The following PLPPR1 variants were observed in gnomAD, a reference collection of about 807,000 sequenced individuals.
The protein encoded by PLPPR1 is phospholipid phosphatase-related protein type 1.
A neutral mutation model predicts 33.1 loss-of-function variants in PLPPR1; 10 were observed. The ratio of observed to expected loss-of-function variants is 0.30; its 90% confidence interval spans 0.19 to 0.51. The LOEUF (loss-of-function observed/expected upper bound fraction) is 0.51, where lower values mean the gene tolerates loss of function less well. Among genes scored for constraint, PLPPR1 ranks in the 20% least tolerant of loss-of-function variants. PLPPR1 has a pLI of 0.97. For synonymous variants in PLPPR1, 151 were observed against 151.0 expected (o/e 1.00, Z 0.00); for missense variants, 304 against 408.1 (o/e 0.74, Z 2.20).
In PLPPR1 at chr9:101,267,943, T is replaced by C. The variant is rs997937277; in HGVS notation, c.64-1937T>C. Among the ~76,000 whole-genome samples the C allele has an allele frequency of 3.3e-5, 5 of 152,194 alleles. No homozygotes were observed. In the South Asian group the frequency reaches 1.0e-3, roughly 32 times the overall value. On this transcript the variant is annotated intron_variant, in intron 2 of 7. Coordinates refer to ENST00000374874, the MANE Select transcript of PLPPR1 (RefSeq NM_207299.2). ...GCAGCCATAAAAAATGATGAGTTCA[T>C]GTCCTTTGTAGGGACATGGATGAAG...
intron 3 of PLPPR1, among the ~76,000 whole-genome samples, chr9:101,285,804 G>A (rs949766990): frequency 6.6e-6 from 1 of 152,050 alleles, no homozygotes; most frequent in African/African-American, 2.4e-5. Context: ...AGTTAAAAAA[G>A]AATTCAATCC....
At chr9:101,036,073 CGATTTTTTTAAATGTTGCATTAA>C (rs1195129921) in intron 1 of PLPPR1, among the ~76,000 whole-genome samples, 4 of 152,086 alleles carry the variant, frequency 2.6e-5, no homozygotes, top group Non-Finnish European at 5.9e-5. Flanking sequence ...TGTTGCATTA[CGATTTTTTTAAATGTTGCATTAA>C]AATATTGTTT....
At chr9:101,182,597 A>G (rs1290652203) in intron 1 of PLPPR1, among the ~76,000 whole-genome samples, 1 of 151,790 alleles carries the variant, frequency 6.6e-6, no homozygotes, top group Non-Finnish European at 1.5e-5. Context: ...TGGTTGTTGC[A>G]TAATACTGTG....
rs370193024 is a variant in PLPPR1 at position 101,237,836 on chromosome 9, T to TATATGTATATAG, written c.64-32044_64-32043insATATGTATATAG. Reference sequence around the variant, plus strand: ...GTGTGCATATATATATATATATATATGCTATATATGTGTGTGTGTATATAT... The same window carrying TATATGTATATAG: ...GTGTGCATATATATATATATATATATATATGTATATAGGCTATATATGTGTGTGTGTATATAT... On this transcript the variant is annotated intron_variant, in intron 2 of 7. Transcript: ENST00000374874. 4.7e-4 allele frequency among the ~76,000 whole-genome samples: 61 copies of TATATGTATATAG among 129,892 alleles called. 1 individual carries two copies. The highest frequency in any genetic ancestry group is 1.2e-3 in the African/African-American group (41 of 34,174). 85.2% of individuals were successfully genotyped at this position (129,892 alleles called of 152,430 possible). A position where few individuals can be genotyped will look rare whatever the true frequency, so the allele number is the denominator to read the frequency against.
chr9:101,110,557 A>G (rs940418795), intron 1 of PLPPR1, among the ~76,000 whole-genome samples: 1 of 152,154 alleles, frequency 6.6e-6, no homozygotes, highest in Non-Finnish European at 1.5e-5. Context: ...TCAATTGTGG[A>G]CTGTTTTTAT....
intron 1 of PLPPR1, among the ~76,000 whole-genome samples, chr9:101,179,141 G>A (rs1826061811): frequency 6.6e-6 from 1 of 152,108 alleles, no homozygotes; most frequent in Admixed American, 6.6e-5. Context: ...GAGTATGCAT[G>A]GAATCTATTA....
At chr9:101,315,963 C>G (rs1287416245) in intron 6 of PLPPR1, among the ~76,000 whole-genome samples, 1 of 152,172 alleles carries the variant, frequency 6.6e-6, no homozygotes, top group Non-Finnish European at 1.5e-5. Flanking sequence ...GCTTTATAGA[C>G]AGCTAATCAA....
chr9:101,317,399 A>G lies in PLPPR1; in HGVS notation c.848A>G (p.Gln283Arg), dbSNP rs372382236. Residue 283 changes from glutamine to arginine, a missense_variant, in exon 7 of 8, where the codon CAA (glutamine) becomes CGA (arginine). By Grantham distance (43) the Gln-to-Arg change is conservative. Coordinates refer to ENST00000374874, the MANE Select transcript of PLPPR1 (RefSeq NM_207299.2). ...GTGGTTCATAACTTTAAAGGAACGC[A>G]AGGATCTCCTTCCAAACCCAAGCCT... The part of the protein sequence containing the change: ...MCVVHNFKGT[Q>R]GSPSKPKPED... 1 of 1,614,094 alleles carries G rather than the reference A, an allele frequency of 6.2e-7. No homozygotes were observed. Among genetic ancestry groups the G allele is most frequent in the African/African-American group, 1.3e-5 (1 of 75,026 alleles).
At chr9:101,323,469 C>CAAAAAAAAAAAAAAAA (rs11339430) in intron 7 of PLPPR1, among the ~76,000 whole-genome samples, 1 of 93,794 alleles carries the variant, frequency 1.1e-5, no homozygotes, top group African/African-American at 3.6e-5. Context: ...AACCCTGTCT[C>CAAAAAAAAAAAAAAAA]AAAAAAAAAA....
At chr9:101,149,335 CT>C in intron 1 of PLPPR1, among the ~76,000 whole-genome samples, 1 of 152,258 alleles carries the variant, frequency 6.6e-6, no homozygotes, top group East Asian at 1.9e-4. Flanking sequence ...AGAGTTCAGT[CT>C]TTAAAAATCC....
At chr9:101,132,497 G>A (rs1375960977) in intron 1 of PLPPR1, among the ~76,000 whole-genome samples, 1 of 152,162 alleles carries the variant, frequency 6.6e-6, no homozygotes, top group Admixed American at 6.5e-5. Context: ...GTTACCAGGA[G>A]TTGGGGATTG....
intron 2 of PLPPR1, among the ~76,000 whole-genome samples, chr9:101,255,013 G>A (rs1160049167): frequency 6.6e-6 from 1 of 152,098 alleles, no homozygotes; most frequent in African/African-American, 2.4e-5. Flanking sequence ...GTTTCCATTT[G>A]CCTATATTCT....
chr9:101,210,780 GTTT>G (rs1486553022), intron 2 of PLPPR1, among the ~76,000 whole-genome samples: 4 of 151,824 alleles, frequency 2.6e-5, no homozygotes, highest in Admixed American at 2.6e-4. Flanking sequence ...GTTTTGTTTT[GTTT>G]TTGAGACGGA....
intron 1 of PLPPR1, among the ~76,000 whole-genome samples, chr9:101,161,334 G>A (rs899484243): frequency 7.2e-5 from 11 of 152,114 alleles, no homozygotes; most frequent in Admixed American, 6.6e-4. Flanking sequence ...GGGTTATGGG[G>A]TATCTATCTC....
At chr9:101,183,182 A>G (rs1826147299) in intron 1 of PLPPR1, among the ~76,000 whole-genome samples, 1 of 151,802 alleles carries the variant, frequency 6.6e-6, no homozygotes, top group Admixed American at 6.6e-5. Context: ...CCACACAAAG[A>G]ATTGCACACA....
chr9:101,120,852 A>G (rs1287846166), intron 1 of PLPPR1, among the ~76,000 whole-genome samples: 1 of 152,206 alleles, frequency 6.6e-6, no homozygotes, highest in African/African-American at 2.4e-5. Context: ...CCATAATCAC[A>G]TCCATTGCAT....
At chr9:101,316,439 A>AAAAAAAG (rs1196530477) in intron 6 of PLPPR1, among the ~76,000 whole-genome samples, 1 of 152,008 alleles carries the variant, frequency 6.6e-6, no homozygotes, top group Non-Finnish European at 1.5e-5. Context: ...TCTGTCTCAA[A>AAAAAAAG]AAAAAAGAAA....
intron 1 of PLPPR1, among the ~76,000 whole-genome samples, chr9:101,036,399 T>C (rs1396889057): frequency 3.3e-5 from 5 of 152,136 alleles, no homozygotes; most frequent in Non-Finnish European, 7.4e-5. Context: ...AGGATAAGAA[T>C]AAAAGCTCTA....
intron 1 of PLPPR1, among the ~76,000 whole-genome samples, chr9:101,117,777 C>G (rs1286384323): frequency 6.6e-6 from 1 of 152,124 alleles, no homozygotes; most frequent in Non-Finnish European, 1.5e-5. Context: ...CTACCTCTTT[C>G]AAAAGGCAAT....
Sources: gnomAD v4.1 joint callset for allele counts (sites outside exome capture counted in the v4.1 genomes callset) on GRCh38, gnomAD v4.1.1 for gene constraint, MANE v1.5 for transcripts, NCBI Gene and HGNC (gene_info 2026-07-23, HGNC 2026-07-21) for gene names.